The following PCDH15 variants were observed in gnomAD, a reference collection of about 807,000 sequenced individuals.
PCDH15 encodes the protein protocadherin-15.
In PCDH15, 129 loss-of-function variants were observed where a neutral mutation model predicts 178.5. The ratio of observed to expected loss-of-function variants is 0.72; its 90% CI spans 0.63 to 0.84. PCDH15 has a LOEUF of 0.84. Among genes scored for constraint, PCDH15 ranks in the 40% least tolerant of loss-of-function variants. The pLI is 0.00. For synonymous variants in PCDH15, 800 were observed against 732.0 expected (o/e 1.09, Z -1.50); for missense variants, 2,230 against 2,099.9 (o/e 1.06, Z -1.21).
chr10:54,851,313 A>G (rs1430072828), intron 3 of PCDH15, among the ~76,000 whole-genome samples: 1 of 152,154 alleles, frequency 6.6e-6, no homozygotes, highest in Admixed American at 6.5e-5. Context: ...TAAAAAGACT[A>G]AAAAACAAGT....
At chr10:54,964,761 T>C (rs1838740591) in intron 2 of PCDH15, among the ~76,000 whole-genome samples, 1 of 152,206 alleles carries the variant, frequency 6.6e-6, no homozygotes, top group Non-Finnish European at 1.5e-5. Flanking sequence ...ACATTATTTT[T>C]ATGTAGAGGT....
At chr10:53,891,678 C>T (rs1361094306) in intron 26 of PCDH15, among the ~76,000 whole-genome samples, 1 of 151,904 alleles carries the variant, frequency 6.6e-6, no homozygotes, top group Non-Finnish European at 1.5e-5. Flanking sequence ...CCAGGCTGGT[C>T]GTTGTGGCTC....
intron 2 of PCDH15, among the ~76,000 whole-genome samples, chr10:55,413,763 TCAG>T (rs1430013846): frequency 6.6e-6 from 1 of 151,738 alleles, no homozygotes; most frequent in African/African-American, 2.4e-5. Context: ...CTTTTTAATC[TCAG>T]AAATCTCTTC....
chr10:54,320,009 G>A (rs1041135962), intron 7 of PCDH15, among the ~76,000 whole-genome samples: 1 of 151,924 alleles, frequency 6.6e-6, no homozygotes, highest in Non-Finnish European at 1.5e-5. Context: ...AAGACAGACT[G>A]CGATAAAATT....
chr10:54,724,278 A>G (rs2132546821), intron 1 of PCDH15, among the ~76,000 whole-genome samples: 1 of 151,892 alleles, frequency 6.6e-6, no homozygotes, highest in South Asian at 2.1e-4. Context: ...AAGTGAACTC[A>G]GAAAATAAAA....
At chr10:55,121,065 A>G (rs1199693713) in intron 2 of PCDH15, among the ~76,000 whole-genome samples, 1 of 152,164 alleles carries the variant, frequency 6.6e-6, no homozygotes. Flanking sequence ...GGAGAGCTGC[A>G]GGCACTCAAC....
At chr10:54,331,092 G>C (rs1939449310) in intron 6 of PCDH15, among the ~76,000 whole-genome samples, 1 of 151,482 alleles carries the variant, frequency 6.6e-6, no homozygotes, top group Non-Finnish European at 1.5e-5. Context: ...GAGAGGAAGA[G>C]AGAGAGAGTG....
At chr10:54,808,543 A>G (rs1952813990) in intron 3 of PCDH15, among the ~76,000 whole-genome samples, 1 of 152,182 alleles carries the variant, frequency 6.6e-6, no homozygotes, top group African/African-American at 2.4e-5. Flanking sequence ...TTTAGCTCCT[A>G]CTGCCACCTT....
At chr10:55,183,686 T>TG (rs397813494) in intron 1 of PCDH15, among the ~76,000 whole-genome samples, 1 of 151,506 alleles carries the variant, frequency 6.6e-6, no homozygotes, top group East Asian at 1.9e-4. Flanking sequence ...TATTTTTTTT[T>TG]TCTAATTGAA....
At chr10:55,532,059 T>C (rs147548250) in intron 2 of PCDH15, among the ~76,000 whole-genome samples, 8 of 152,132 alleles carry the variant, frequency 5.3e-5, no homozygotes, top group Non-Finnish European at 7.4e-5. Flanking sequence ...GAATAAAATA[T>C]CTAAACTATG....
chr10:55,054,081 T>C (rs1564751842), intron 2 of PCDH15, among the ~76,000 whole-genome samples: 1 of 152,168 alleles, frequency 6.6e-6, no homozygotes, highest in Non-Finnish European at 1.5e-5. Context: ...CATTACCAGG[T>C]ATTAAGCCTA....
At chr10:55,158,247 T>C (rs1838952089) in intron 2 of PCDH15, among the ~76,000 whole-genome samples, 1 of 152,036 alleles carries the variant, frequency 6.6e-6, no homozygotes. Context: ...GAAAATGTTA[T>C]ATGCAGCTAG....
At chr10:54,479,150 T>A (rs2078505454) in intron 3 of PCDH15, among the ~76,000 whole-genome samples, 1 of 151,992 alleles carries the variant, frequency 6.6e-6, no homozygotes, top group Non-Finnish European at 1.5e-5. Context: ...CCAAGAGAAA[T>A]GCCTTCTATA....
intron 20 of PCDH15, among the ~76,000 whole-genome samples, chr10:54,008,229 A>G (rs564256474): frequency 2.0e-5 from 3 of 152,344 alleles, no homozygotes; most frequent in Admixed American, 2.0e-4. Context: ...TATAATAAAT[A>G]GGCAATGACT....
intron 37 of PCDH15, 127 bp from the exon 38 acceptor site, chr10:53,807,257 T>C: frequency 2.8e-6 from 2 of 725,628 alleles, no homozygotes; most frequent in Non-Finnish European, 4.4e-6. Context: ...TCAAGAGAGA[T>C]AGAAGGAAGC....
chr10:53,814,383 C>CAA (rs2075985506), intron 35 of PCDH15, among the ~76,000 whole-genome samples: 1 of 152,114 alleles, frequency 6.6e-6, no homozygotes, highest in South Asian at 2.1e-4. Context: ...AAAGAATTTT[C>CAA]TTTACATAAA....
chr10:54,479,757 GA>G (rs930606287), intron 3 of PCDH15, among the ~76,000 whole-genome samples: 78 of 151,556 alleles, frequency 5.1e-4, no homozygotes, highest in Non-Finnish European at 9.9e-4. Context: ...ACTTCTCACA[GA>G]AAAAAATGAG....
intron 23 of PCDH15, among the ~76,000 whole-genome samples, chr10:53,942,910 A>G (rs2086195976): frequency 6.6e-6 from 1 of 152,200 alleles, no homozygotes; most frequent in African/African-American, 2.4e-5. Flanking sequence ...CACAAAACTA[A>G]TATTTGAACA....
chr10:53,828,977 C>G (rs2076867559), intron 30 of PCDH15, among the ~76,000 whole-genome samples: 1 of 152,148 alleles, frequency 6.6e-6, no homozygotes, highest in Non-Finnish European at 1.5e-5. Context: ...CCTGATTATA[C>G]TCTTGGCTTC....
Sources: gnomAD v4.1 joint callset for allele counts (sites outside exome capture counted in the v4.1 genomes callset) on GRCh38, gnomAD v4.1.1 for gene constraint, MANE v1.5 for transcripts, NCBI Gene and HGNC (gene_info 2026-07-23, HGNC 2026-07-21) for gene names.